MYH15: variants seen among roughly 807,000 people sequenced by gnomAD.
MYH15 encodes myosin heavy chain 15, also known as myosin-15.
MYH15 carries 227 observed loss-of-function variants against 240.5 expected under a neutral mutation model. The ratio of observed to expected loss-of-function variants is 0.94; its 90% CI spans 0.85 to 1.05. MYH15 has a LOEUF of 1.05. Among genes scored for constraint, MYH15 ranks in the 50% least tolerant of loss-of-function variants. The pLI, the probability that MYH15 is intolerant of heterozygous loss-of-function variation, is 0.00. For missense variants in MYH15, 2,217 were observed against 2,247.5 expected, an observed-to-expected ratio of 0.99 and a Z score of 0.27; for synonymous variants, 785 against 796.7, an observed-to-expected ratio of 0.99 and a Z score of 0.25.
upstream of MYH15, among the ~76,000 whole-genome samples, chr3:108,513,783 T>C (rs556403483): frequency 1.3e-5 from 2 of 152,194 alleles, no homozygotes; most frequent in Non-Finnish European, 2.9e-5. Context: ...AGGTTACTTG[T>C]CTGCATGATC....
chr3:108,536,220 G>A, the MYH15 span, among the ~76,000 whole-genome samples: 1 of 152,146 alleles, frequency 6.6e-6, no homozygotes, highest in African/African-American at 2.4e-5. Flanking sequence ...AGCCAAGATT[G>A]TGCTACTGAA....
At chr3:108,456,961 T>A (rs2083027288) in intron 18 of MYH15, 78 bp from the exon 19 acceptor site, 1 of 1,040,418 alleles carries the variant, frequency 9.6e-7, no homozygotes, top group Non-Finnish European at 1.5e-6. Flanking sequence ...AATTGCTGCA[T>A]CTTGGGTTAA....
intron 25 of MYH15, among the ~76,000 whole-genome samples, chr3:108,432,117 G>T (rs951642257): frequency 4.6e-5 from 7 of 152,270 alleles, no homozygotes; most frequent in Non-Finnish European, 7.4e-5. Context: ...GGATTGCAGT[G>T]GTACAATCTT....
rs2082749325 is a variant in MYH15, at chr3:108,428,701, T to C, written c.3493A>G (p.Lys1165Glu). 2 of 1,613,744 alleles carry C rather than the reference T, an allele frequency of 1.2e-6. No individual in the cohort carries two copies. The highest frequency in any genetic ancestry group is 2.7e-5 in the African/African-American group (2 of 74,834). Residue 1165 changes from lysine (K) to glutamate (E), a missense_variant, in exon 27 of 41, where the codon AAG becomes GAG. Coordinates refer to ENST00000693548, the MANE Select transcript of MYH15 (RefSeq NM_014981.3). Reference sequence around the variant, plus strand: ...GCCTCTTCCATGTCTCGGTGCAGCTTCTGGAATTTGGTTTCCTGTTTCTTA... The same window carrying C: ...GCCTCTTCCATGTCTCGGTGCAGCTCCTGGAATTTGGTTTCCTGTTTCTTA... ...ITKKQETKFQKLHRDMEEATL... is the reference protein window; with the variant it reads ...ITKKQETKFQELHRDMEEATL...
intron 33 of MYH15, among the ~76,000 whole-genome samples, chr3:108,404,461 A>T (rs898684863): frequency 4.6e-5 from 7 of 152,178 alleles, no homozygotes; most frequent in African/African-American, 1.7e-4. Context: ...CGTTAATTCC[A>T]TGTGTTTATA....
At chr3:108,526,239 T>C (rs980241660) in intron 1 of MYH15, among the ~76,000 whole-genome samples, 4 of 152,178 alleles carry the variant, frequency 2.6e-5, no homozygotes, top group Non-Finnish European at 5.9e-5. Context: ...TACATTAAAA[T>C]GACAACTTAT....
the MYH15 span, among the ~76,000 whole-genome samples, chr3:108,534,794 T>C: frequency 1.3e-5 from 2 of 151,618 alleles, no homozygotes; most frequent in Non-Finnish European, 2.9e-5. Context: ...GGCAGGAGGA[T>C]CACTTGAGCC....
chr3:108,434,599 G>GCC (rs2082815572), intron 25 of MYH15, among the ~76,000 whole-genome samples: 1 of 151,926 alleles, frequency 6.6e-6, no homozygotes, highest in African/African-American at 2.4e-5. Context: ...CCTACACAGA[G>GCC]TACTCCATTT....
chr3:108,505,966 A>T, intron 1 of MYH15, 137 bp from the exon 2 acceptor site: 1 of 541,090 alleles, frequency 1.8e-6, no homozygotes, highest in Non-Finnish European at 3.2e-6. Context: ...GCAAAGTCAG[A>T]TAAAATCATG....
chr3:108,419,208 T>C (rs1278652634), intron 28 of MYH15, among the ~76,000 whole-genome samples: 1 of 152,130 alleles, frequency 6.6e-6, no homozygotes, highest in African/African-American at 2.4e-5. Flanking sequence ...ACTTTGGTGA[T>C]AGCCACCAAC....
At chr3:108,471,072 GGAGGAAGGAAGGAAGGA>G (rs1444936550) in intron 12 of MYH15, among the ~76,000 whole-genome samples, 41 of 129,684 alleles carry the variant, frequency 3.2e-4, no homozygotes, top group African/African-American at 1.0e-3. Flanking sequence ...AGGGAGGGAG[GGAGGAAGGAAGGAAGGA>G]AAGAAGGGAG....
At chr3:108,481,296 A>G (rs1370193617) in intron 11 of MYH15, among the ~76,000 whole-genome samples, 1 of 152,234 alleles carries the variant, frequency 6.6e-6, no homozygotes, top group East Asian at 1.9e-4. Context: ...GTCTCTGAGT[A>G]GGTAGGGTTC....
chr3:108,407,921 AT>A (rs1216948848), intron 32 of MYH15, among the ~76,000 whole-genome samples: 5 of 152,228 alleles, frequency 3.3e-5, no homozygotes, highest in Non-Finnish European at 5.9e-5. Flanking sequence ...GAGGGCTGAG[AT>A]TCTGAATTTC....
intron 21 of MYH15, among the ~76,000 whole-genome samples, chr3:108,447,821 A>C (rs2082940986): frequency 6.6e-6 from 1 of 152,150 alleles, no homozygotes; most frequent in African/African-American, 2.4e-5. Flanking sequence ...AATTCAGAAT[A>C]ATACTGTAAT....
chr3:108,398,756 GA>G lies in MYH15; in HGVS notation c.5013del (p.Leu1672PhefsTer6), dbSNP rs1477607293. ...EQVAVAERRN[S>X]LLQSELEDLR... ...AGATCCTCTAGTTCAGACTGAAGAA[GA>G]GAGTTGCGCCGCTCAGCCACAGCCA... On this transcript the variant is annotated frameshift_variant, in exon 35 of 41. Coordinates refer to ENST00000693548, the MANE Select transcript of MYH15 (RefSeq NM_014981.3). LOFTEE classifies it high-confidence loss of function. 6.2e-7 allele frequency: 1 copy of G among 1,614,034 alleles called. No homozygotes were observed. Among genetic ancestry groups the G allele is most frequent in the African/African-American group, 1.3e-5 (1 of 74,936 alleles).
intron 40 of MYH15, among the ~76,000 whole-genome samples, chr3:108,381,877 T>C (rs1440645255): frequency 6.6e-6 from 1 of 152,224 alleles, no homozygotes; most frequent in Non-Finnish European, 1.5e-5. Flanking sequence ...TCCCCAGCCC[T>C]GACACAGAAT....
chr3:108,523,990 C>T (rs189613207), intron 1 of MYH15, among the ~76,000 whole-genome samples: 8 of 151,764 alleles, frequency 5.3e-5, no homozygotes, highest in Non-Finnish European at 8.8e-5. Context: ...AGGTTTTTTG[C>T]CGTTATAAAA....
At chr3:108,431,256 T>C (rs1055076019) in intron 25 of MYH15, among the ~76,000 whole-genome samples, 1 of 152,234 alleles carries the variant, frequency 6.6e-6, no homozygotes, top group Non-Finnish European at 1.5e-5. Context: ...TACCTACATC[T>C]GAAGTTTTCT....
intron 10 of MYH15, 118 bp from the exon 11 acceptor site, chr3:108,485,347 T>C: frequency 8.8e-7 from 1 of 1,135,604 alleles, no homozygotes; most frequent in Non-Finnish European, 1.3e-6. Context: ...CAGACAGCTC[T>C]GTTCAAAGCA....
Sources: gnomAD v4.1 joint callset for allele counts (sites outside exome capture counted in the v4.1 genomes callset) on GRCh38, gnomAD v4.1.1 for gene constraint, MANE v1.5 for transcripts, NCBI Gene and HGNC (gene_info 2026-07-23, HGNC 2026-07-21) for gene names.